MAST4: variants seen among roughly 807,000 people sequenced by gnomAD.
MAST4 encodes the protein microtubule associated serine/threonine kinase family member 4, also known as microtubule-associated serine/threonine-protein kinase 4.
A neutral mutation model predicts 162.7 loss-of-function variants in MAST4; 89 were observed. That is an observed-to-expected ratio of 0.55 (90% confidence interval 0.46 to 0.65). The LOEUF is 0.65. MAST4 is among the 30% of genes least tolerant of loss of function. The probability of loss-of-function intolerance (pLI) is 0.00; values close to 1 mark genes in which losing one functional copy is unlikely to be tolerated. For missense variants in MAST4, 3,153 were observed against 3,374.0 expected (o/e 0.93, Z 1.62); for synonymous variants, 1,479 against 1,361.1 (o/e 1.09, Z -1.91).
chr5:67,096,792 T>C (rs1056532802), intron 7 of MAST4, among the ~76,000 whole-genome samples: 1 of 152,190 alleles, frequency 6.6e-6, no homozygotes, highest in African/African-American at 2.4e-5. Context: ...TATTTTTCTA[T>C]CCATTATTCC....
chr5:66,832,904 A>G (rs894795480), intron 3 of MAST4, among the ~76,000 whole-genome samples: 1 of 152,188 alleles, frequency 6.6e-6, no homozygotes, highest in Non-Finnish European at 1.5e-5. Flanking sequence ...CAGATGGCAA[A>G]TGAACTTTTT....
chr5:66,806,144 C>G (rs371162603), intron 3 of MAST4, among the ~76,000 whole-genome samples: 2 of 152,292 alleles, frequency 1.3e-5, no homozygotes, highest in East Asian at 3.9e-4. Flanking sequence ...CATCCTCTGC[C>G]TCTTGTGCTG....
intron 1 of MAST4, among the ~76,000 whole-genome samples, chr5:66,758,968 C>T (rs1347463770): frequency 6.6e-6 from 1 of 152,138 alleles, no homozygotes; most frequent in Non-Finnish European, 1.5e-5. Flanking sequence ...GATGGTATGG[C>T]TCTATTAAGT....
At chr5:67,136,937 TAAAG>T (rs1342658340) in intron 19 of MAST4, among the ~76,000 whole-genome samples, 2 of 152,260 alleles carry the variant, frequency 1.3e-5, no homozygotes, top group Non-Finnish European at 2.9e-5. Flanking sequence ...TTTCAATAAA[TAAAG>T]CTTCTCTGGA....
At chr5:66,964,866 T>G (rs1001645646) in intron 4 of MAST4, among the ~76,000 whole-genome samples, 1 of 152,242 alleles carries the variant, frequency 6.6e-6, no homozygotes, top group Admixed American at 6.5e-5. Context: ...AAGGGCAACT[T>G]AAATTTTTTT....
At chr5:66,894,221 A>G (rs1002829585) in intron 3 of MAST4, among the ~76,000 whole-genome samples, 5 of 152,232 alleles carry the variant, frequency 3.3e-5, no homozygotes, top group African/African-American at 1.2e-4. Flanking sequence ...AAAAGTGCCA[A>G]CCTCTAATAA....
intron 5 of MAST4, among the ~76,000 whole-genome samples, chr5:67,056,201 G>A (rs1758798842): frequency 6.6e-6 from 1 of 152,058 alleles, no homozygotes. Flanking sequence ...GCGGGTGTAA[G>A]CAGTGGTAAC....
chr5:66,623,200 C>T (rs898884652), intron 1 of MAST4: 5 of 152,154 alleles, frequency 3.3e-5, no homozygotes, highest in Non-Finnish European at 7.3e-5. Context: ...GGATTATGGC[C>T]TTATAAGAAC....
intron 3 of MAST4, among the ~76,000 whole-genome samples, chr5:66,835,210 C>G (rs1405251796): frequency 6.6e-6 from 1 of 152,154 alleles, no homozygotes; most frequent in Non-Finnish European, 1.5e-5. Flanking sequence ...TGCCCTGTCT[C>G]TTATATTAGG....
intron 1 of MAST4, among the ~76,000 whole-genome samples, chr5:66,758,396 A>T (rs1753672282): frequency 6.6e-6 from 1 of 151,322 alleles, no homozygotes; most frequent in African/African-American, 2.4e-5. Context: ...AATAGAAATA[A>T]ATATTTCTAT....
In MAST4 at chr5:67,149,423, T is replaced by C. The variant is rs1238045726; in HGVS notation, c.3129T>C (p.Asn1043=). Residue 1043 remains asparagine, a synonymous_variant, in exon 24 of 29, where the codon AAT becomes AAC. Transcript: ENST00000403625. ...TTTCAGAGCACTTGGATCAGATAAA[T>C]GGACGAAGCGAGTGTGTGGACAGTA... The part of the protein sequence containing the change: ...GSFSEHLDQI[N]GRSECVDSTD... 2 of 1,613,422 alleles carry C rather than the reference T, an allele frequency of 1.2e-6. No individual in the cohort carries two copies. The highest frequency in any genetic ancestry group is 1.7e-6 in the Non-Finnish European group (2 of 1,179,682).
intron 1 of MAST4, among the ~76,000 whole-genome samples, chr5:66,708,312 C>T (rs1750272989): frequency 6.6e-6 from 1 of 152,140 alleles, no homozygotes. Context: ...TGACTAGTCA[C>T]ATGATATTGG....
Position 67,166,963 on chromosome 5 carries a change from T to C in MAST4, c.7784T>C (p.Ile2595Thr), listed in dbSNP as rs2151148252. ...CCAGCCCCAAACACTGACCGCCCCATCTCTCTTTCTAATGAGAAGGACTTT... is the reference window on the plus strand; with the variant it reads ...CCAGCCCCAAACACTGACCGCCCCACCTCTCTTTCTAATGAGAAGGACTTT... ...PSPAPNTDRP[I>T]SLSNEKDFVV... The change falls in exon 29 of 29, where the codon ATC (isoleucine) becomes ACC (threonine). Residue 2595 changes from isoleucine to threonine, a missense_variant. Ile to Thr is a moderately conservative substitution (Grantham distance 89, BLOSUM62 -1). This residue lies in a region of MAST4 where 1,644 missense variants were observed against 1,495.0 expected (regional missense o/e 1.10). Coordinates refer to ENST00000403625, the MANE Select transcript of MAST4 (RefSeq NM_001164664.2). 6.2e-7 allele frequency: 1 copy of C among 1,612,278 alleles called. No homozygotes were observed. Among genetic ancestry groups the C allele is most frequent in the Middle Eastern group, 1.6e-4 (1 of 6,062 alleles).
intron 1 of MAST4, among the ~76,000 whole-genome samples, chr5:66,675,842 A>G (rs1668404820): frequency 6.6e-6 from 1 of 152,240 alleles, no homozygotes; most frequent in African/African-American, 2.4e-5. Flanking sequence ...CATGATGAAT[A>G]AAGAAGGAGC....
At chr5:66,756,211 C>T (rs188072858) in intron 1 of MAST4, among the ~76,000 whole-genome samples, 1 of 152,306 alleles carries the variant, frequency 6.6e-6, no homozygotes, top group Admixed American at 6.5e-5. Context: ...TTTTCTATGG[C>T]TCTTGTTGGA....
intron 4 of MAST4, among the ~76,000 whole-genome samples, chr5:67,019,752 A>C (rs899294505): frequency 6.6e-6 from 1 of 152,188 alleles, no homozygotes; most frequent in Non-Finnish European, 1.5e-5. Context: ...TCATGGACTA[A>C]AATATATGGA....
intron 3 of MAST4, among the ~76,000 whole-genome samples, chr5:66,832,642 C>T (rs1047234349): frequency 6.6e-6 from 1 of 152,130 alleles, no homozygotes; most frequent in Non-Finnish European, 1.5e-5. Context: ...CTCAATGTTT[C>T]TTCTGTCTCA....
chr5:66,657,534 A>G (rs1746631873), intron 1 of MAST4, among the ~76,000 whole-genome samples: 1 of 152,220 alleles, frequency 6.6e-6, no homozygotes, highest in African/African-American at 2.4e-5. Context: ...ATTTTTCTTC[A>G]GCATTTTACA....
At chr5:66,897,327 A>G (rs993256963) in intron 3 of MAST4, among the ~76,000 whole-genome samples, 1 of 152,190 alleles carries the variant, frequency 6.6e-6, no homozygotes, top group African/African-American at 2.4e-5. Flanking sequence ...TGACATTAAG[A>G]AAATAAAATG....
Sources: allele counts gnomAD v4.1 joint callset (sites outside exome capture counted in the v4.1 genomes callset), GRCh38; gene constraint gnomAD v4.1.1; regional missense constraint gnomAD v4.1.1; transcripts MANE v1.5; gene names NCBI Gene and HGNC (gene_info 2026-07-23, HGNC 2026-07-21).